Variants in ADAMTS17 observed in about 807,000 individuals in gnomAD.
ADAMTS17 encodes the protein A disintegrin and metalloproteinase with thrombospondin motifs 17.
ADAMTS17 carries 113 observed loss-of-function variants against 141.5 expected under a neutral mutation model. The ratio of observed to expected loss-of-function variants is 0.80; its 90% CI spans 0.69 to 0.93. The LOEUF (loss-of-function observed/expected upper bound fraction) is 0.93. Ranked by LOEUF, ADAMTS17 falls within the 40% of genes least tolerant of loss-of-function variation. The pLI, the probability that ADAMTS17 is intolerant of heterozygous loss-of-function variation, is 0.00. For synonymous variants in ADAMTS17, 768 were observed against 630.6 expected, an observed-to-expected ratio of 1.22 and a Z score of -3.27; for missense variants, 1,659 against 1,517.9, an observed-to-expected ratio of 1.09 and a Z score of -1.54.
At chr15:100,166,680 T>C (rs1304724200) in intron 8 of ADAMTS17, among the ~76,000 whole-genome samples, 3 of 152,230 alleles carry the variant, frequency 2.0e-5, no homozygotes, top group African/African-American at 7.2e-5. Flanking sequence ...GTTCCTAAAC[T>C]CCTGGGCTTG....
intron 3 of ADAMTS17, among the ~76,000 whole-genome samples, chr15:100,289,550 A>T (rs1037012045): frequency 2.8e-5 from 3 of 106,446 alleles, no homozygotes; most frequent in Admixed American, 7.9e-5. Flanking sequence ...ACACACACTC[A>T]CACACACACA....
chr15:100,170,518 A>C (rs2040120382), intron 8 of ADAMTS17, among the ~76,000 whole-genome samples: 1 of 152,238 alleles, frequency 6.6e-6, no homozygotes, highest in Non-Finnish European at 1.5e-5. Flanking sequence ...ACTTGAAAAG[A>C]TACATCAAAT....
intron 8 of ADAMTS17, among the ~76,000 whole-genome samples, chr15:100,158,310 C>G (rs562753358): frequency 2.6e-5 from 4 of 152,254 alleles, no homozygotes; most frequent in African/African-American, 4.8e-5. Context: ...AATCTCCATT[C>G]AGCTTTAAAA....
chr15:100,121,336 T>C (rs1329782173), intron 12 of ADAMTS17, among the ~76,000 whole-genome samples: 1 of 152,136 alleles, frequency 6.6e-6, no homozygotes, highest in Non-Finnish European at 1.5e-5. Flanking sequence ...AAGATGTGAC[T>C]CTATAAATCC....
At chr15:100,184,567 G>T (rs59478689) in intron 8 of ADAMTS17, among the ~76,000 whole-genome samples, 18,936 of 152,190 alleles carry the variant, frequency 0.12, 1,540 homozygotes, top group East Asian at 0.29. Flanking sequence ...GGTAAATGAT[G>T]TGTGGCAAAG....
At chr15:100,254,795 G>T (rs951075314) in intron 6 of ADAMTS17, among the ~76,000 whole-genome samples, 8 of 152,202 alleles carry the variant, frequency 5.3e-5, no homozygotes, top group Non-Finnish European at 7.3e-5. Flanking sequence ...GCTGAATGAT[G>T]AGAACACATG....
chr15:100,280,448 C>T (rs1024802831), intron 4 of ADAMTS17, among the ~76,000 whole-genome samples: 5 of 152,130 alleles, frequency 3.3e-5, no homozygotes, highest in African/African-American at 1.2e-4. Context: ...CATTCCAATC[C>T]ATCCTGCATG....
intron 18 of ADAMTS17, among the ~76,000 whole-genome samples, chr15:99,998,555 G>T (rs755339808): frequency 1.2e-4 from 18 of 152,186 alleles, no homozygotes; most frequent in Non-Finnish European, 1.2e-4. Flanking sequence ...AGTGAGCCAA[G>T]ATCGCGCCAC....
At chr15:100,130,173 T>C (rs760730292) in intron 12 of ADAMTS17, among the ~76,000 whole-genome samples, 3 of 152,028 alleles carry the variant, frequency 2.0e-5, no homozygotes, top group Non-Finnish European at 2.9e-5. Context: ...AAGACCAGCC[T>C]GGCAACATGG....
At chr15:100,068,379 C>T (rs1192557001) in intron 15 of ADAMTS17, among the ~76,000 whole-genome samples, 1 of 152,250 alleles carries the variant, frequency 6.6e-6, no homozygotes, top group Non-Finnish European at 1.5e-5. Context: ...TTAAATGTCC[C>T]TTTCTGACAG....
At chr15:100,101,304 G>T (rs2036084849) in intron 14 of ADAMTS17, among the ~76,000 whole-genome samples, 1 of 152,228 alleles carries the variant, frequency 6.6e-6, no homozygotes, top group African/African-American at 2.4e-5. Context: ...TCTCTGGAAT[G>T]ATCACGTTTG....
chr15:100,048,883 C>T lies in ADAMTS17; in HGVS notation c.2565G>A (p.Arg855=). The T allele has an allele frequency of 6.2e-7, 1 of 1,614,196 alleles. No homozygotes were observed. Among genetic ancestry groups the T allele is most frequent in the Non-Finnish European group, 8.5e-7 (1 of 1,180,044 alleles). Residue 855 remains arginine, a synonymous_variant, in exon 18 of 22, where the codon AGG becomes AGA. Coordinates refer to ENST00000268070, the MANE Select transcript of ADAMTS17 (RefSeq NM_139057.4). ...QASRPEPQVR[R]CNLHPCQSRW... is the part of the protein sequence containing the mutation. ...GTGACTGGCAGGGGTGCAAGTTGCA[C>T]CTTCGGACCTGGGGCTCTGGGCGGC...
chr15:100,026,545 C>T (rs914173516), intron 18 of ADAMTS17, among the ~76,000 whole-genome samples: 6 of 152,194 alleles, frequency 3.9e-5, no homozygotes, highest in Admixed American at 3.3e-4. Context: ...AAAGCAGGCA[C>T]ATACCATAAA....
At chr15:100,079,531 G>C (rs1302861002) in intron 15 of ADAMTS17, among the ~76,000 whole-genome samples, 2 of 152,142 alleles carry the variant, frequency 1.3e-5, no homozygotes, top group Admixed American at 6.5e-5. Flanking sequence ...TGGTTACCTA[G>C]GGCTTAAGAG....
chr15:100,249,242 C>G (rs910720922), intron 7 of ADAMTS17, among the ~76,000 whole-genome samples: 1 of 152,210 alleles, frequency 6.6e-6, no homozygotes, highest in African/African-American at 2.4e-5. Context: ...CCACTAGCAC[C>G]CCTGTGAAGC....
Position 99,973,189 on chromosome 15 carries a change from C to G in ADAMTS17, c.*1213G>C, listed in dbSNP as rs982642681. The G allele has an allele frequency of 6.6e-6, 1 of 152,082 alleles. No homozygotes were observed. The allele number at this position is 152,082 out of a possible 1,614,324, so 9.4% of individuals were successfully genotyped here. A position where few individuals can be genotyped will look rare whatever the true frequency, so the allele number is the denominator to read the frequency against. On this transcript the variant is annotated 3_prime_UTR_variant, in exon 22 of 22. Transcript: ENST00000268070. Reference sequence around the variant, plus strand: ...AGGACCTTCCTTCATCATGCATCATCCTTGCCCCACCAAGAAGATGGGTCA... The same window carrying G: ...AGGACCTTCCTTCATCATGCATCATGCTTGCCCCACCAAGAAGATGGGTCA...
chr15:100,117,629 G>A (rs2037220922), intron 12 of ADAMTS17, among the ~76,000 whole-genome samples: 1 of 152,124 alleles, frequency 6.6e-6, no homozygotes, highest in Admixed American at 6.5e-5. Context: ...CTGAGGCTGG[G>A]GTTTTAAGCC....
At chr15:100,023,719 T>A (rs1056323644) in intron 18 of ADAMTS17, among the ~76,000 whole-genome samples, 2 of 152,204 alleles carry the variant, frequency 1.3e-5, no homozygotes, top group African/African-American at 4.8e-5. Context: ...AAGGACCTCA[T>A]GAATGTCTTC....
intron 15 of ADAMTS17, among the ~76,000 whole-genome samples, chr15:100,071,459 A>T (rs2033965164): frequency 6.7e-6 from 1 of 150,188 alleles, no homozygotes; most frequent in South Asian, 2.1e-4. Context: ...TTTTAGACCA[A>T]TATCCCTGAT....
Sources: allele counts gnomAD v4.1 joint callset (sites outside exome capture counted in the v4.1 genomes callset), GRCh38; gene constraint gnomAD v4.1.1; transcripts MANE v1.5; gene names NCBI Gene and HGNC (gene_info 2026-07-23, HGNC 2026-07-21).